The following CELF2 variants were observed in gnomAD, a reference collection of about 807,000 sequenced individuals.
CELF2 encodes CUGBP Elav-like family member 2.
Under a neutral mutation model 62.6 loss-of-function variants are expected in CELF2, and 8 were observed. That is an observed-to-expected ratio of 0.13 (90% CI 0.07 to 0.23). The LOEUF (loss-of-function observed/expected upper bound fraction) is 0.23, where lower values mean the gene tolerates loss of function less well. Among genes scored for constraint, CELF2 ranks in the 10% least tolerant of loss-of-function variants. The pLI is 1.00. For synonymous variants in CELF2, 258 were observed against 250.0 expected, an observed-to-expected ratio of 1.03 and a Z score of -0.30; for missense variants, 333 against 671.0, an observed-to-expected ratio of 0.50 and a Z score of 5.56.
At chr10:10,731,544 T>C in the CELF2 span, among the ~76,000 whole-genome samples, 3 of 152,206 alleles carry the variant, frequency 2.0e-5, no homozygotes, top group African/African-American at 7.2e-5. Flanking sequence ...CCAGCATCTG[T>C]TATGGAAATA....
chr10:11,176,862 G>A (rs2071369194), intron 2 of CELF2, among the ~76,000 whole-genome samples: 2 of 152,144 alleles, frequency 1.3e-5, no homozygotes, highest in South Asian at 4.1e-4. Flanking sequence ...TGTACTGCAA[G>A]CTACACTCAG....
At chr10:10,478,772 G>A in the CELF2 span, among the ~76,000 whole-genome samples, 2 of 152,172 alleles carry the variant, frequency 1.3e-5, no homozygotes, top group African/African-American at 4.8e-5. Flanking sequence ...TTTGGAAGCA[G>A]ACCTCCATCA....
the CELF2 span, among the ~76,000 whole-genome samples, chr10:10,533,906 G>A: frequency 6.6e-6 from 1 of 152,178 alleles, no homozygotes; most frequent in Non-Finnish European, 1.5e-5. Flanking sequence ...GAAATTAAAT[G>A]AGATCACTGA....
the CELF2 span, among the ~76,000 whole-genome samples, chr10:10,499,082 T>TG: frequency 5.3e-5 from 8 of 151,780 alleles, no homozygotes; most frequent in African/African-American, 1.9e-4. Context: ...TTTTTTTTTT[T>TG]TTTTGAGAGA....
chr10:11,201,750 C>A (rs1020174164), intron 2 of CELF2, among the ~76,000 whole-genome samples: 5 of 152,210 alleles, frequency 3.3e-5, no homozygotes, highest in African/African-American at 7.2e-5. Context: ...GATGACCAGG[C>A]CTTTCGCCTG....
chr10:10,519,167 C>A, the CELF2 span, among the ~76,000 whole-genome samples: 1 of 152,100 alleles, frequency 6.6e-6, no homozygotes, highest in Non-Finnish European at 1.5e-5. Context: ...GAACAGGAGT[C>A]AGGCAAGATA....
At chr10:11,236,981 G>A (rs1176999342) in intron 3 of CELF2, among the ~76,000 whole-genome samples, 2 of 152,194 alleles carry the variant, frequency 1.3e-5, no homozygotes, top group African/African-American at 2.4e-5. Flanking sequence ...ATGCCAAGGA[G>A]CTGGATATTA....
the CELF2 span, among the ~76,000 whole-genome samples, chr10:10,681,593 C>T: frequency 6.6e-6 from 1 of 152,060 alleles, no homozygotes; most frequent in Non-Finnish European, 1.5e-5. Flanking sequence ...TTTTCACATG[C>T]CATGAAATAG....
At chr10:10,693,902 T>G in the CELF2 span, among the ~76,000 whole-genome samples, 1 of 152,056 alleles carries the variant, frequency 6.6e-6, no homozygotes. Context: ...TCTTCTCTCT[T>G]TTTTTCTTTA....
At chr10:10,776,930 G>A in the CELF2 span, among the ~76,000 whole-genome samples, 7 of 152,228 alleles carry the variant, frequency 4.6e-5, no homozygotes, top group Non-Finnish European at 1.0e-4. Context: ...CATGCCCTCT[G>A]CATTCTCTTC....
intron 2 of CELF2, among the ~76,000 whole-genome samples, chr10:11,212,630 C>T (rs569037212): frequency 7.2e-5 from 11 of 152,162 alleles, no homozygotes; most frequent in African/African-American, 2.2e-4. Context: ...CCCGAGTTTT[C>T]CATTGGACCT....
At chr10:10,988,621 A>G (rs1020628602) in intron 2 of CELF2, among the ~76,000 whole-genome samples, 1 of 152,132 alleles carries the variant, frequency 6.6e-6, no homozygotes, top group Non-Finnish European at 1.5e-5. Context: ...TAAATAACTT[A>G]TCCAAGTAAC....
rs1369412053 is a variant in CELF2 at position 11,280,638 on chromosome 10, G to A, written c.841+5518G>A. Among the ~76,000 whole-genome samples the A allele has an allele frequency of 6.6e-6, 1 of 152,222 alleles. No individual in the cohort carries two copies. Among genetic ancestry groups the A allele is most frequent in the African/African-American group, 2.4e-5 (1 of 41,460 alleles). On this transcript the variant is annotated intron_variant, in intron 8 of 12. Coordinates refer to ENST00000633077, the MANE Select transcript of CELF2 (RefSeq NM_001326342.2). This position sits in a 1 kb window ranked among gnomAD's most constrained non-coding sequence, Gnocchi z 7.6. ...TTATTACTGTGGTGTGACAGAGCAT[G>A]AGATGGTCAGTAGCACCTAGAAGAT...
At chr10:11,020,085 G>A (rs1022901843) in intron 1 of CELF2, among the ~76,000 whole-genome samples, 1 of 152,188 alleles carries the variant, frequency 6.6e-6, no homozygotes, top group African/African-American at 2.4e-5. Context: ...TCATTTGGTG[G>A]ATGAATGTGG....
At chr10:10,911,483 T>G (rs1002807227) in intron 1 of CELF2, among the ~76,000 whole-genome samples, 1 of 152,246 alleles carries the variant, frequency 6.6e-6, no homozygotes, top group Non-Finnish European at 1.5e-5. Flanking sequence ...GAACCTGAAC[T>G]GCAGCGATGC....
intron 1 of CELF2, among the ~76,000 whole-genome samples, chr10:11,066,503 C>G (rs2068207991): frequency 6.6e-6 from 1 of 152,128 alleles, no homozygotes; most frequent in Non-Finnish European, 1.5e-5. Context: ...AGTATTCCAG[C>G]TGAGGCAGTG....
chr10:11,034,689 G>C (rs2060674847), intron 1 of CELF2, among the ~76,000 whole-genome samples: 1 of 152,158 alleles, frequency 6.6e-6, no homozygotes, highest in Non-Finnish European at 1.5e-5. Flanking sequence ...GAGCTGCAGT[G>C]GTGGTGGTGC....
the CELF2 span, among the ~76,000 whole-genome samples, chr10:10,651,728 C>T: frequency 6.6e-6 from 1 of 151,630 alleles, no homozygotes; most frequent in Admixed American, 6.6e-5. Flanking sequence ...TGTACATCAC[C>T]ATCATCAAAG....
chr10:10,760,678 A>G, the CELF2 span, among the ~76,000 whole-genome samples: 2 of 152,202 alleles, frequency 1.3e-5, no homozygotes, highest in East Asian at 3.9e-4. Context: ...TCCTAGTGAA[A>G]TGACATGTCC....
Sources: gnomAD v4.1 joint callset for allele counts (sites outside exome capture counted in the v4.1 genomes callset) on GRCh38, gnomAD v4.1.1 for gene constraint, Gnocchi (gnomAD v3.1) non-coding constraint, MANE v1.5 for transcripts, NCBI Gene and HGNC (gene_info 2026-07-23, HGNC 2026-07-21) for gene names.